Variants in MGAT4A observed in about 807,000 individuals in gnomAD.
MGAT4A encodes N-acetylglucosaminyltransferase IVa.
In MGAT4A, 33 loss-of-function variants were observed where a neutral mutation model predicts 74.1. The observed-to-expected ratio is 0.45, with a 90% CI of 0.34 to 0.60. MGAT4A has a LOEUF of 0.60. Among genes scored for constraint, MGAT4A ranks in the 20% least tolerant of loss-of-function variants. The pLI is 0.02. For missense variants in MGAT4A, 479 were observed against 628.3 expected, an observed-to-expected ratio of 0.76 and a Z score of 2.54; for synonymous variants, 198 against 210.4, an observed-to-expected ratio of 0.94 and a Z score of 0.51.
chr2:98,726,556 C>A lies in MGAT4A; in HGVS notation c.-224G>T, dbSNP rs1702766427. 2 of 418,056 alleles carry A rather than the reference C, an allele frequency of 4.8e-6. No individual in the cohort carries two copies. Among genetic ancestry groups the A allele is most frequent in the Admixed American group, 8.2e-5 (2 of 24,434 alleles). 25.9% of individuals were successfully genotyped at this position (418,056 alleles called of 1,614,324 possible). A position where few individuals can be genotyped will look rare whatever the true frequency, so the allele number is the denominator to read the frequency against. ...CGGTCTTCACACGCTGATGCCTCGGCCTTTTCCCTTCCTATTCAGGGGAAA... is the reference window on the plus strand; with the variant it reads ...CGGTCTTCACACGCTGATGCCTCGGACTTTTCCCTTCCTATTCAGGGGAAA... On this transcript the variant is annotated 5_prime_UTR_variant, in exon 2 of 16. Coordinates refer to ENST00000393487, the MANE Select transcript of MGAT4A (RefSeq NM_012214.3).
chr2:98,633,893 A>G (rs1701279866), intron 14 of MGAT4A, among the ~76,000 whole-genome samples: 1 of 152,232 alleles, frequency 6.6e-6, no homozygotes, highest in African/African-American at 2.4e-5. Flanking sequence ...GATACAGCCC[A>G]AATATAAAAA....
intron 2 of MGAT4A, among the ~76,000 whole-genome samples, chr2:98,698,884 C>G (rs1396816197): frequency 1.3e-5 from 2 of 152,158 alleles, no homozygotes; most frequent in African/African-American, 4.8e-5. Context: ...TCTTTAGCTC[C>G]TTTTTATCTT....
chr2:98,701,939 G>A (rs1450115574), intron 2 of MGAT4A, among the ~76,000 whole-genome samples: 1 of 152,150 alleles, frequency 6.6e-6, no homozygotes, highest in Non-Finnish European at 1.5e-5. Context: ...TTACCTAGGG[G>A]CACGTTCGAG....
chr2:98,644,482 T>G (rs1174690149), intron 9 of MGAT4A, among the ~76,000 whole-genome samples: 2 of 152,238 alleles, frequency 1.3e-5, no homozygotes, highest in East Asian at 3.8e-4. Flanking sequence ...AGATGGTTTT[T>G]GACTTTTAAG....
intron 2 of MGAT4A, among the ~76,000 whole-genome samples, chr2:98,690,291 G>A (rs527421690): frequency 6.6e-6 from 1 of 152,198 alleles, no homozygotes; most frequent in Non-Finnish European, 1.5e-5. Context: ...CACCAGTAAT[G>A]AGCCTCCTGG....
chr2:98,717,519 G>C (rs1331481265), intron 2 of MGAT4A, among the ~76,000 whole-genome samples: 1 of 152,056 alleles, frequency 6.6e-6, no homozygotes, highest in Non-Finnish European at 1.5e-5. Context: ...TTCAAATAAG[G>C]TTTGTAGATT....
intron 2 of MGAT4A, among the ~76,000 whole-genome samples, chr2:98,708,670 G>A (rs930891643): frequency 6.6e-6 from 1 of 152,116 alleles, no homozygotes; most frequent in African/African-American, 2.4e-5. Flanking sequence ...ACAGATTTTT[G>A]CATGATTCAA....
intron 2 of MGAT4A, among the ~76,000 whole-genome samples, chr2:98,679,555 C>G (rs1702027759): frequency 6.6e-6 from 1 of 151,896 alleles, no homozygotes; most frequent in South Asian, 2.1e-4. Flanking sequence ...TTGCTAGAGC[C>G]CAAGTATTGG....
At position 98,620,678 on chromosome 2, in the gene MGAT4A, C is replaced by T. The variant is rs1333903016; in HGVS notation, c.*4888G>A. ...TTTGGTTAAAAAAAATTAAATCCCT[C>T]GATACACAGATTATCTGATCTCTAC... is the stretch of plus-strand genomic sequence containing the variant. On this transcript the variant is annotated 3_prime_UTR_variant, in exon 16 of 16. Coordinates refer to ENST00000393487, the MANE Select transcript of MGAT4A (RefSeq NM_012214.3). 1 of 152,158 alleles carries T rather than the reference C, an allele frequency of 6.6e-6. No individual in the cohort carries two copies. Among genetic ancestry groups the T allele is most frequent in the African/African-American group, 2.4e-5 (1 of 41,438 alleles). The allele number at this position is 152,158 out of a possible 1,614,324, so 9.4% of individuals were successfully genotyped here.
At chr2:98,723,539 T>C (rs1237052703) in intron 2 of MGAT4A, among the ~76,000 whole-genome samples, 1 of 152,212 alleles carries the variant, frequency 6.6e-6, no homozygotes, top group East Asian at 1.9e-4. Context: ...GTGTTGTCTG[T>C]TGGTGCGCTG....
chr2:98,694,631 C>T (rs1408589214), intron 2 of MGAT4A: 2 of 152,464 alleles, frequency 1.3e-5, no homozygotes, highest in African/African-American at 2.4e-5. Flanking sequence ...CGAGGCCAGC[C>T]TGGCCAACAT....
At chr2:98,696,652 T>C (rs1702279216) in intron 2 of MGAT4A, among the ~76,000 whole-genome samples, 1 of 152,220 alleles carries the variant, frequency 6.6e-6, no homozygotes. Flanking sequence ...TTTGTGCACA[T>C]GTGACAGAGG....
chr2:98,718,096 T>G (rs1445717846), intron 2 of MGAT4A, among the ~76,000 whole-genome samples: 1 of 152,260 alleles, frequency 6.6e-6, no homozygotes, highest in Non-Finnish European at 1.5e-5. Flanking sequence ...GATCTTTTCT[T>G]GCAGTAAGTG....
At position 98,622,162 on chromosome 2, in the gene MGAT4A, G is replaced by A; in HGVS notation, c.*3404C>T. The A allele has an allele frequency of 1.0e-6, 1 of 985,394 alleles. No individual in the cohort carries two copies. Among genetic ancestry groups the A allele is most frequent in the South Asian group, 4.7e-5 (1 of 21,284 alleles). 61.0% of individuals were successfully genotyped at this position (985,394 alleles called of 1,614,324 possible). On this transcript the variant is annotated 3_prime_UTR_variant, in exon 16 of 16. Coordinates refer to ENST00000393487, the MANE Select transcript of MGAT4A (RefSeq NM_012214.3). The stretch of plus-strand genomic sequence containing the variant: ...TCACCCAAAATATTCATCATCATTT[G>A]CATTATGTTCTATTCCCATGTCTGC...
chr2:98,635,993 TA>T (rs1231266967), intron 13 of MGAT4A, among the ~76,000 whole-genome samples: 1 of 144,304 alleles, frequency 6.9e-6, no homozygotes, highest in African/African-American at 2.6e-5. Flanking sequence ...CTCAAAAAAA[TA>T]AAATAAAATA....
intron 14 of MGAT4A, among the ~76,000 whole-genome samples, chr2:98,632,433 T>C (rs986212929): frequency 6.6e-6 from 1 of 152,236 alleles, no homozygotes; most frequent in East Asian, 1.9e-4. Flanking sequence ...GGGCTCTTAC[T>C]AGCATCTCTT....
chr2:98,723,917 G>C (rs1022523798), intron 2 of MGAT4A, among the ~76,000 whole-genome samples: 1 of 152,140 alleles, frequency 6.6e-6, no homozygotes, highest in South Asian at 2.1e-4. Flanking sequence ...ATATGACCTT[G>C]GTAAGTTTCT....
At chr2:98,681,625 C>T (rs1702061125) in intron 2 of MGAT4A, among the ~76,000 whole-genome samples, 1 of 152,098 alleles carries the variant, frequency 6.6e-6, no homozygotes, top group African/African-American at 2.4e-5. Flanking sequence ...TGCCTAGATA[C>T]TGGTTTCTCA....
intron 4 of MGAT4A, among the ~76,000 whole-genome samples, chr2:98,671,819 G>A (rs1037384372): frequency 6.6e-6 from 1 of 151,880 alleles, no homozygotes; most frequent in Non-Finnish European, 1.5e-5. Flanking sequence ...ATGAAAGGAA[G>A]GAGGGAGGGT....
Sources: allele counts gnomAD v4.1 joint callset (sites outside exome capture counted in the v4.1 genomes callset), GRCh38; gene constraint gnomAD v4.1.1; transcripts MANE v1.5; gene names NCBI Gene and HGNC (gene_info 2026-07-23, HGNC 2026-07-21).